Variants in EXOC4 observed in about 807,000 individuals in gnomAD.
EXOC4 encodes the protein SEC8-like 1.
In EXOC4, 71 loss-of-function variants were observed where a neutral mutation model predicts 107.2. The ratio of observed to expected loss-of-function variants is 0.66; its 90% CI spans 0.55 to 0.81. The LOEUF is 0.81. EXOC4 is among the 30% of genes least tolerant of loss of function. The probability of loss-of-function intolerance (pLI) is 0.00; values close to 1 mark genes in which losing one functional copy is unlikely to be tolerated. For missense variants in EXOC4, 1,108 were observed against 1,189.6 expected, an observed-to-expected ratio of 0.93 and a Z score of 1.01; for synonymous variants, 456 against 441.2, an observed-to-expected ratio of 1.03 and a Z score of -0.42.
chr7:133,988,613 AG>A (rs2116220325), intron 14 of EXOC4, among the ~76,000 whole-genome samples: 1 of 152,302 alleles, frequency 6.6e-6, no homozygotes, highest in South Asian at 2.1e-4. Context: ...GGGAACATCC[AG>A]AAGAGCCATT....
chr7:134,041,143 C>T (rs1795507266), intron 17 of EXOC4, among the ~76,000 whole-genome samples: 2 of 152,238 alleles, frequency 1.3e-5, no homozygotes, highest in Non-Finnish European at 2.9e-5. Context: ...AGACTTTTAC[C>T]ATTGTAACTG....
chr7:133,900,030 C>G (rs534569819), intron 12 of EXOC4, among the ~76,000 whole-genome samples: 1 of 152,258 alleles, frequency 6.6e-6, no homozygotes, highest in Middle Eastern at 3.4e-3. Flanking sequence ...CCCAGATGCA[C>G]TCTGGGTGTT....
At chr7:133,904,820 G>A (rs1218462327) in intron 12 of EXOC4, among the ~76,000 whole-genome samples, 1 of 152,180 alleles carries the variant, frequency 6.6e-6, no homozygotes, top group East Asian at 1.9e-4. Context: ...CAGGTTTCTG[G>A]AGAAAGTGTT....
intron 11 of EXOC4, among the ~76,000 whole-genome samples, chr7:133,865,750 A>G (rs956019255): frequency 2.0e-5 from 3 of 152,176 alleles, no homozygotes; most frequent in Non-Finnish European, 2.9e-5. Context: ...AAGTGCTACC[A>G]CTTTTAAACA....
chr7:133,681,307 A>G (rs1794181900), intron 10 of EXOC4, among the ~76,000 whole-genome samples: 1 of 152,212 alleles, frequency 6.6e-6, no homozygotes. Flanking sequence ...CGTGTTTCTC[A>G]TGTAAATAAA....
chr7:133,693,272 G>T (rs1794459669), intron 10 of EXOC4, among the ~76,000 whole-genome samples: 1 of 152,168 alleles, frequency 6.6e-6, no homozygotes, highest in Non-Finnish European at 1.5e-5. Context: ...AAAAGCTGAA[G>T]AACTTGGAAT....
At chr7:133,276,565 G>T (rs1793998352) in intron 2 of EXOC4, among the ~76,000 whole-genome samples, 1 of 151,940 alleles carries the variant, frequency 6.6e-6, no homozygotes, top group Admixed American at 6.6e-5. Context: ...ATATTTTGCA[G>T]AATACCAGCA....
intron 9 of EXOC4, among the ~76,000 whole-genome samples, chr7:133,516,388 A>G (rs1203105487): frequency 6.6e-6 from 1 of 152,128 alleles, no homozygotes; most frequent in Admixed American, 6.5e-5. Context: ...TAGGCAGACA[A>G]AATTATTCTG....
chr7:133,407,421 T>C (rs1476295580), intron 7 of EXOC4, among the ~76,000 whole-genome samples: 2 of 152,204 alleles, frequency 1.3e-5, no homozygotes, highest in South Asian at 2.1e-4. Flanking sequence ...CCTTACCATT[T>C]TTAACATGTT....
chr7:133,474,924 T>A (rs924023135), intron 7 of EXOC4, among the ~76,000 whole-genome samples: 1 of 152,192 alleles, frequency 6.6e-6, no homozygotes, highest in Non-Finnish European at 1.5e-5. Flanking sequence ...TTACATGGAT[T>A]AGCATGTTGC....
Position 133,398,751 on chromosome 7 carries a change from C to T in EXOC4, c.1182+23749C>T, listed in dbSNP as rs556870282. On this transcript the variant is annotated intron_variant, in intron 7 of 17. Coordinates refer to ENST00000253861, the MANE Select transcript of EXOC4 (RefSeq NM_021807.4). The stretch of plus-strand genomic sequence containing the variant: ...GAATTTCTAGGGACGAAAGAGAACT[C>T]GATTACTTTTAGTTCCTTTCAGTGC... Among the ~76,000 whole-genome samples, 9 of 152,164 alleles carry T rather than the reference C, an allele frequency of 5.9e-5. No individual in the cohort carries two copies. In the South Asian group the frequency reaches 6.2e-4, roughly 11 times the overall value.
chr7:133,775,289 T>C (rs1354196940), intron 10 of EXOC4, among the ~76,000 whole-genome samples: 2 of 152,184 alleles, frequency 1.3e-5, no homozygotes, highest in Admixed American at 1.3e-4. Context: ...ACAGCCTTCA[T>C]GTGTTAGGCT....
chr7:133,809,485 G>C (rs111497030), intron 10 of EXOC4, among the ~76,000 whole-genome samples: 2 of 152,258 alleles, frequency 1.3e-5, no homozygotes, highest in Non-Finnish European at 2.9e-5. Context: ...TTTATTAATA[G>C]GAGAGATTCA....
intron 7 of EXOC4, among the ~76,000 whole-genome samples, chr7:133,458,622 G>A (rs1798517777): frequency 6.6e-6 from 1 of 152,168 alleles, no homozygotes; most frequent in African/African-American, 2.4e-5. Flanking sequence ...AGGTTTTCTT[G>A]TAGCATAGGC....
chr7:133,679,072 A>G (rs1390983397), intron 10 of EXOC4, among the ~76,000 whole-genome samples: 1 of 152,166 alleles, frequency 6.6e-6, no homozygotes, highest in Non-Finnish European at 1.5e-5. Context: ...TTTAAGGCCC[A>G]TCACATATTT....
At chr7:133,259,221 T>C (rs186999049) in intron 1 of EXOC4, among the ~76,000 whole-genome samples, 1,706 of 151,332 alleles carry the variant, frequency 0.011, 15 homozygotes, top group Non-Finnish European at 0.02. Flanking sequence ...AAATCACCCA[T>C]AGTTTAATTT....
chr7:133,994,136 C>T (rs1213375811), intron 14 of EXOC4, among the ~76,000 whole-genome samples: 1 of 152,198 alleles, frequency 6.6e-6, no homozygotes, highest in Non-Finnish European at 1.5e-5. Flanking sequence ...CTTAAAGATG[C>T]ATGCTTTATG....
chr7:133,393,746 T>C (rs1459057815), intron 7 of EXOC4, among the ~76,000 whole-genome samples: 1 of 152,200 alleles, frequency 6.6e-6, no homozygotes, highest in African/African-American at 2.4e-5. Context: ...GCTGATGCCT[T>C]TATCTTGGAC....
chr7:133,699,245 A>C (rs1320177288), intron 10 of EXOC4, among the ~76,000 whole-genome samples: 1 of 152,104 alleles, frequency 6.6e-6, no homozygotes. Flanking sequence ...TCCATTCCTC[A>C]AAAGAGCCTT....
Sources: gnomAD v4.1 joint callset for allele counts (sites outside exome capture counted in the v4.1 genomes callset) on GRCh38, gnomAD v4.1.1 for gene constraint, MANE v1.5 for transcripts, NCBI Gene and HGNC (gene_info 2026-07-23, HGNC 2026-07-21) for gene names.